GPC3: variants seen among roughly 807,000 people sequenced by gnomAD.
GPC3 encodes glypican-3.
GPC3 carries 3 observed loss-of-function variants against 34.4 expected under a neutral mutation model. The observed-to-expected ratio is 0.09, with a 90% CI of 0.04 to 0.23. GPC3 has a LOEUF of 0.23. GPC3 is among the 10% of genes least tolerant of loss of function. The pLI is 1.00. For missense variants in GPC3, 351 were observed against 445.6 expected, an observed-to-expected ratio of 0.79 and a Z score of 1.91; for synonymous variants, 177 against 174.0, an observed-to-expected ratio of 1.02 and a Z score of -0.13.
intron 5 of GPC3, among the ~76,000 whole-genome samples, chrX:133,684,720 A>AAAC (rs972968398): frequency 3.1e-4 from 34 of 111,087 alleles, no homozygotes; most frequent in Admixed American, 2.5e-3. Context: ...ATAAATTAAA[A>AAAC]AACAACAACA....
chrX:133,844,110 C>G (rs1192944924), intron 2 of GPC3, among the ~76,000 whole-genome samples: 2 of 111,567 alleles, frequency 1.8e-5, no homozygotes, highest in Non-Finnish European at 3.8e-5. Flanking sequence ...CACAAAATGA[C>G]TCGGTGAAAG....
chrX:133,720,804 C>T (rs1027435979), intron 3 of GPC3, among the ~76,000 whole-genome samples: 4 of 110,248 alleles, frequency 3.6e-5, no homozygotes, highest in East Asian at 2.8e-4. Context: ...AACCAAATAG[C>T]GTATGTTCTC....
chrX:133,846,096 C>T (rs184839338), intron 2 of GPC3, among the ~76,000 whole-genome samples: 2 of 111,637 alleles, frequency 1.8e-5, no homozygotes, highest in East Asian at 2.8e-4. Context: ...AAAATGTTGC[C>T]CAGCAAGGAT....
At chrX:133,859,152 T>A (rs192109098) in intron 2 of GPC3, among the ~76,000 whole-genome samples, 1 of 110,531 alleles carries the variant, frequency 9.0e-6, no homozygotes, top group East Asian at 2.8e-4. Context: ...CTATATATTA[T>A]CTGTCTCAGA....
chrX:133,661,643 CTCT>C (rs2070727053), intron 6 of GPC3, 84 bp downstream of exon 6: 1 of 37,385 alleles, frequency 2.7e-5, no homozygotes. Context: ...TCCCCCCCCC[CTCT>C]CTCTCCCCCT....
chrX:133,872,256 C>T (rs1377698871), intron 2 of GPC3, among the ~76,000 whole-genome samples: 6 of 110,272 alleles, frequency 5.4e-5, no homozygotes, highest in Non-Finnish European at 7.6e-5. Context: ...CTCTGAGGTT[C>T]GGGCTTTCTA....
chrX:133,835,241 G>A (rs1437372469), intron 2 of GPC3, among the ~76,000 whole-genome samples: 1 of 111,950 alleles, frequency 8.9e-6, no homozygotes, highest in African/African-American at 3.2e-5. Context: ...TCTGCGTTGG[G>A]AGCTGTGAGA....
At chrX:133,934,242 G>A (rs1435661600) in intron 2 of GPC3, among the ~76,000 whole-genome samples, 1 of 106,113 alleles carries the variant, frequency 9.4e-6, no homozygotes, top group Non-Finnish European at 1.9e-5. Context: ...TGTTGCCAAG[G>A]CTGGAGTGCA....
chrX:133,709,040 A>G (rs1298635324), intron 3 of GPC3, among the ~76,000 whole-genome samples: 1 of 111,845 alleles, frequency 8.9e-6, no homozygotes, highest in African/African-American at 3.2e-5. Flanking sequence ...TTTAAACTTA[A>G]TTGGCCATGT....
chrX:133,794,162 T>C (rs1186492507), intron 2 of GPC3, among the ~76,000 whole-genome samples: 2 of 112,403 alleles, frequency 1.8e-5, no homozygotes, highest in Non-Finnish European at 3.8e-5. Context: ...ATAGTGTTTT[T>C]ATCCCAATTG....
chrX:133,596,389 C>A, intron 7 of GPC3, 51 bp downstream of exon 7: 1 of 1,087,332 alleles, frequency 9.2e-7, no homozygotes. Flanking sequence ...ATTTTTAATT[C>A]CTGAGCATCA....
chrX:133,601,053 T>C (rs971894721), intron 6 of GPC3, among the ~76,000 whole-genome samples: 1 of 111,815 alleles, frequency 8.9e-6, no homozygotes, highest in Non-Finnish European at 1.9e-5. Flanking sequence ...GTGCATTACT[T>C]TGAATACAGA....
At chrX:133,601,482 C>A (rs1020705457) in intron 6 of GPC3, among the ~76,000 whole-genome samples, 5 of 111,926 alleles carry the variant, frequency 4.5e-5, no homozygotes, top group Non-Finnish European at 9.4e-5. Context: ...GCCTGCCTCA[C>A]AGAATTGTTG....
Position 133,884,432 on chromosome X carries a change from A to C in GPC3, c.337+68618T>G, listed in dbSNP as rs191059919. ...TCTCCTTACCCAGTCATCAAAGCCA[A>C]GTCTAGCTTTAGGTGGTAATATTAA... On this transcript the variant is annotated intron_variant, in intron 2 of 7. Transcript: ENST00000370818. 7.1e-5 allele frequency among the ~76,000 whole-genome samples: 8 copies of C among 111,893 alleles called. No homozygotes were observed. The East Asian group carries it at 2.2e-3, about 31-fold the overall frequency.
intron 2 of GPC3, among the ~76,000 whole-genome samples, chrX:133,941,089 G>A (rs1406953604): frequency 8.9e-6 from 1 of 112,679 alleles, no homozygotes; most frequent in African/African-American, 3.2e-5. Flanking sequence ...AGTGTGGATA[G>A]CAATCTTTGG....
rs141018957 is a variant in GPC3 at position 133,718,602 on chromosome X, G to A, written c.1033-18574C>T. ...TTTCATTACTTATTCATTATTACTC[G>A]TTTTATTACATTAAATACAAATGGA... On this transcript the variant is annotated intron_variant, in intron 3 of 7. Coordinates refer to ENST00000370818, the MANE Select transcript of GPC3 (RefSeq NM_004484.4). Among the ~76,000 whole-genome samples the A allele has an allele frequency of 3.8e-4, 42 of 110,917 alleles. 1 individual carries two copies. In the East Asian group the frequency reaches 8.2e-3, roughly 22 times the overall value.
At chrX:133,753,447 C>A in intron 3 of GPC3, 35 bp downstream of exon 3, 1 of 1,126,940 alleles carries the variant, frequency 8.9e-7, no homozygotes, top group Non-Finnish European at 1.2e-6. Context: ...CCCAATAAGG[C>A]CCAAATCCTC....
rs1170913888 is a variant in GPC3 at position 133,979,258 on chromosome X, G to A, written c.175+6017C>T. On this transcript the variant is annotated intron_variant, in intron 1 of 7. Coordinates refer to ENST00000370818, the MANE Select transcript of GPC3 (RefSeq NM_004484.4). ...CATATAAATACAATTTCAGCTACTAGAAGTAATTAACTGTTCGGAACACTA... is the reference window on the plus strand; with the variant it reads ...CATATAAATACAATTTCAGCTACTAAAAGTAATTAACTGTTCGGAACACTA... 4.5e-5 allele frequency among the ~76,000 whole-genome samples: 5 copies of A among 111,886 alleles called. 1 individual carries two copies. Among genetic ancestry groups the A allele is most frequent in the Non-Finnish European group, 9.4e-5 (5 of 53,204 alleles).
intron 7 of GPC3, among the ~76,000 whole-genome samples, chrX:133,553,756 CTTTA>C (rs1355129398): frequency 8.9e-6 from 1 of 111,753 alleles, no homozygotes; most frequent in East Asian, 2.8e-4. Flanking sequence ...TTTTTGACAA[CTTTA>C]TTAAGGCATA....
Sources: allele counts gnomAD v4.1 joint callset (sites outside exome capture counted in the v4.1 genomes callset), GRCh38; gene constraint gnomAD v4.1.1; transcripts MANE v1.5; gene names NCBI Gene and HGNC (gene_info 2026-07-23, HGNC 2026-07-21).